The following GAB2 variants were observed in gnomAD, a reference collection of about 807,000 sequenced individuals.
The protein encoded by GAB2 is GRB2-associated-binding protein 2.
GAB2 carries 26 observed loss-of-function variants against 65.5 expected under a neutral mutation model. The ratio of observed to expected loss-of-function variants is 0.40; its 90% confidence interval spans 0.29 to 0.55. The LOEUF is 0.55. Ranked by LOEUF, GAB2 falls within the 20% of genes least tolerant of loss-of-function variation. The probability of loss-of-function intolerance (pLI) is 0.53; values close to 1 mark genes in which losing one functional copy is unlikely to be tolerated. For synonymous variants in GAB2, 321 were observed against 329.6 expected, an observed-to-expected ratio of 0.97 and a Z score of 0.28; for missense variants, 884 against 875.8, an observed-to-expected ratio of 1.01 and a Z score of -0.12.
chr11:78,276,553 T>C (rs1866176680), intron 2 of GAB2, among the ~76,000 whole-genome samples: 1 of 152,140 alleles, frequency 6.6e-6, no homozygotes, highest in Non-Finnish European at 1.5e-5. Context: ...TGCATGCCTG[T>C]CCCCTCCTCT....
At chr11:78,303,104 C>T (rs1867079066) in intron 1 of GAB2, among the ~76,000 whole-genome samples, 1 of 152,206 alleles carries the variant, frequency 6.6e-6, no homozygotes, top group African/African-American at 2.4e-5. Context: ...GTATACTGCT[C>T]GGGTGATGAG....
In GAB2 at chr11:78,225,097, C is replaced by G. The variant is rs1255300822; in HGVS notation, c.1302+11G>C. 1 of 1,590,660 alleles carries G rather than the reference C, an allele frequency of 6.3e-7. No homozygotes were observed. The highest frequency in any genetic ancestry group is 8.6e-7 in the Non-Finnish European group (1 of 1,158,956). ...GCCGGCCTGAGGACCCTTGGGTTAA[C>G]CCACACTCACCAGGAAAGAGCCAAC... On this transcript the variant is annotated intron_variant, in intron 5 of 9. Coordinates refer to ENST00000361507, the MANE Select transcript of GAB2 (RefSeq NM_080491.3).
chr11:78,268,216 A>G (rs1865917224), intron 2 of GAB2, among the ~76,000 whole-genome samples: 1 of 152,212 alleles, frequency 6.6e-6, no homozygotes, highest in Non-Finnish European at 1.5e-5. Flanking sequence ...GCAATGCTTT[A>G]AAAAAGGTTT....
chr11:78,240,608 A>G (rs1865105370), intron 3 of GAB2, among the ~76,000 whole-genome samples: 1 of 152,098 alleles, frequency 6.6e-6, no homozygotes, highest in Admixed American at 6.6e-5. Context: ...TGCTAAGCCT[A>G]AAGAGGGACC....
chr11:78,283,370 G>A (rs552765264), intron 1 of GAB2, among the ~76,000 whole-genome samples: 8 of 152,220 alleles, frequency 5.3e-5, no homozygotes, highest in East Asian at 1.9e-4. Flanking sequence ...CTTCAGAATC[G>A]TTGCATTTTT....
intron 1 of GAB2, among the ~76,000 whole-genome samples, chr11:78,319,998 C>T (rs1445283465): frequency 6.6e-6 from 1 of 151,982 alleles, no homozygotes; most frequent in Non-Finnish European, 1.5e-5. Flanking sequence ...GCCTCAGCCT[C>T]CTGAGTAGCT....
chr11:78,269,339 G>A (rs1865951956), intron 2 of GAB2, among the ~76,000 whole-genome samples: 1 of 152,158 alleles, frequency 6.6e-6, no homozygotes, highest in African/African-American at 2.4e-5. Flanking sequence ...AGGGAATGAG[G>A]GAGGAAAAGG....
At chr11:78,276,535 T>C (rs1221788562) in intron 2 of GAB2, among the ~76,000 whole-genome samples, 1 of 152,194 alleles carries the variant, frequency 6.6e-6, no homozygotes, top group Non-Finnish European at 1.5e-5. Context: ...ACTCTGTTAC[T>C]ATCTGGTTGC....
rs770524568 is a variant in GAB2 at position 78,417,740 on chromosome 11, C to T, written c.-20G>A. ...GCTCATGCTGCCGGCCTGGAGCCCCCCGCCGGGTCGCGCGGACGAGGGCGC... is the reference window on the plus strand; with the variant it reads ...GCTCATGCTGCCGGCCTGGAGCCCCTCGCCGGGTCGCGCGGACGAGGGCGC... On this transcript the variant is annotated 5_prime_UTR_variant, in exon 1 of 10. Transcript: ENST00000361507. 5 of 1,240,736 alleles carry T rather than the reference C, an allele frequency of 4.0e-6. No individual in the cohort carries two copies. In the Admixed American group the frequency reaches 1.5e-4, roughly 37 times the overall value. The allele number at this position is 1,240,736 out of a possible 1,614,324, so 76.9% of individuals were successfully genotyped here.
intron 3 of GAB2, among the ~76,000 whole-genome samples, chr11:78,228,697 T>C (rs1014814724): frequency 2.0e-5 from 3 of 152,130 alleles, no homozygotes; most frequent in African/African-American, 7.2e-5. Flanking sequence ...AAACCTTCAC[T>C]GATGCTCCTC....
Position 78,358,709 on chromosome 11 carries a change from C to A in GAB2, c.75+58937G>T, listed in dbSNP as rs180937843. Among the ~76,000 whole-genome samples the A allele has an allele frequency of 5.6e-3, 854 of 151,954 alleles. 4 individuals are homozygous for A. Among genetic ancestry groups the A allele is most frequent in the Middle Eastern group, 0.017 (5 of 294 alleles). ...CTTCCACAGGTAAAGTCCTAAGGAA[C>A]ACTTGCTGTTAAAAGTAAAACAAAA... On this transcript the variant is annotated intron_variant, in intron 1 of 9. Transcript: ENST00000361507.
At chr11:78,357,522 A>G (rs1211332044) in intron 1 of GAB2, among the ~76,000 whole-genome samples, 4 of 152,224 alleles carry the variant, frequency 2.6e-5, no homozygotes, top group African/African-American at 9.7e-5. Context: ...TCATCTGACA[A>G]AGGGCTAATA....
At chr11:78,349,035 A>C (rs10899482) in intron 1 of GAB2, among the ~76,000 whole-genome samples, 37,455 of 152,134 alleles carry the variant, frequency 0.25, 5,156 homozygotes, top group East Asian at 0.41. Flanking sequence ...AAGGAAGGGA[A>C]AGACTGCAAA....
intron 1 of GAB2, among the ~76,000 whole-genome samples, chr11:78,406,368 A>T (rs969318428): frequency 2.0e-5 from 3 of 149,742 alleles, no homozygotes; most frequent in African/African-American, 2.5e-5. Context: ...CAATACAAAA[A>T]TGTCCACGTT....
rs368809315 is a variant in GAB2, at chr11:78,292,327, C to A, written c.76-11426G>T. On this transcript the variant is annotated intron_variant, in intron 1 of 9. Coordinates refer to ENST00000361507, the MANE Select transcript of GAB2 (RefSeq NM_080491.3). ...AAGTAATGTCTTGCCCCTTCTACAA[C>A]CTTAGCCACAAGGCACGTGAGATTT... 2.0e-5 allele frequency among the ~76,000 whole-genome samples: 3 copies of A among 152,248 alleles called. No individual in the cohort carries two copies. The South Asian group carries it at 6.2e-4, about 32-fold the overall frequency.
In GAB2 at chr11:78,250,325, T is replaced by G; in HGVS notation, c.452A>C (p.His151Pro). ...TGAGGACTTGCGCTCTCGGAGAAGG[T>G]GCTGGCTAGAGCTGCTGAGCTCAGC... ...SPAELSSSSQHLLRERKSSAP... is the reference protein window; with the variant it reads ...SPAELSSSSQPLLRERKSSAP... The change falls in exon 3 of 10, where the codon CAC becomes CCC. Residue 151 changes from histidine (H) to proline (P), a missense_variant. Coordinates refer to ENST00000361507, the MANE Select transcript of GAB2 (RefSeq NM_080491.3). The G allele has an allele frequency of 6.2e-7, 1 of 1,613,546 alleles. No homozygotes were observed. The highest frequency in any genetic ancestry group is 1.1e-5 in the South Asian group (1 of 91,002).
In GAB2 at chr11:78,323,505, G is replaced by A. The variant is rs150014825; in HGVS notation, c.76-42604C>T. On this transcript the variant is annotated intron_variant, in intron 1 of 9. Coordinates refer to ENST00000361507, the MANE Select transcript of GAB2 (RefSeq NM_080491.3). Reference sequence around the variant, plus strand: ...AGCCTGGGCAACAGAGCAAGGCTCCGTCTCCCCAATTCAAAAAAAAAGGAA... The same window carrying A: ...AGCCTGGGCAACAGAGCAAGGCTCCATCTCCCCAATTCAAAAAAAAAGGAA... Among the ~76,000 whole-genome samples, 213 of 151,906 alleles carry A rather than the reference G, an allele frequency of 1.4e-3. 5 individuals carry two copies. The East Asian group carries it at 0.038, about 27-fold the overall frequency.
chr11:78,312,179 G>A (rs1274689905), intron 1 of GAB2, among the ~76,000 whole-genome samples: 1 of 142,532 alleles, frequency 7.0e-6, no homozygotes, highest in Non-Finnish European at 1.5e-5. Flanking sequence ...CATGACCTGT[G>A]GAGTTTAAAA....
chr11:78,343,010 C>G (rs1237398895), intron 1 of GAB2, among the ~76,000 whole-genome samples: 1 of 152,094 alleles, frequency 6.6e-6, no homozygotes, highest in Non-Finnish European at 1.5e-5. Context: ...AGATACAAGA[C>G]CCACATAAGG....
Sources: allele counts gnomAD v4.1 joint callset (sites outside exome capture counted in the v4.1 genomes callset), GRCh38; gene constraint gnomAD v4.1.1; transcripts MANE v1.5; gene names NCBI Gene and HGNC (gene_info 2026-07-23, HGNC 2026-07-21).